Variants in CSNK1G1 observed in about 807,000 individuals in gnomAD.
CSNK1G1 encodes casein kinase I isoform gamma-1.
In CSNK1G1, 22 loss-of-function variants were observed where a neutral mutation model predicts 59.6. That is an observed-to-expected ratio of 0.37 (90% CI 0.26 to 0.53). The LOEUF is 0.53. CSNK1G1 is among the 20% of genes least tolerant of loss of function. The pLI is 0.89. For synonymous variants in CSNK1G1, 179 were observed against 177.1 expected, an observed-to-expected ratio of 1.01 and a Z score of -0.08; for missense variants, 384 against 519.5, an observed-to-expected ratio of 0.74 and a Z score of 2.54.
chr15:64,251,682 T>C, intron 3 of CSNK1G1, 101 bp from the exon 4 acceptor site: 1 of 768,638 alleles, frequency 1.3e-6, no homozygotes, highest in Non-Finnish European at 2.2e-6. Context: ...CCCAATGTTT[T>C]AGAGATAATA....
At position 64,299,989 on chromosome 15, in the gene CSNK1G1, T is replaced by C. The variant is rs558072021; in HGVS notation, c.181+330A>G. ...CAGCATCTGCATCACCTGGAATTTG[T>C]AAAAATATGCAGAATTTGGGGCTCC... is the stretch of plus-strand genomic sequence containing the variant. On this transcript the variant is annotated intron_variant, in intron 2 of 11. Coordinates refer to ENST00000303052, the MANE Select transcript of CSNK1G1 (RefSeq NM_022048.5). 3.3e-4 allele frequency among the ~76,000 whole-genome samples: 50 copies of C among 152,272 alleles called. No individual in the cohort carries two copies. In the South Asian group the frequency reaches 1.0e-2, roughly 30 times the overall value.
rs116543808 is a variant in CSNK1G1, at chr15:64,242,659, T to C, written c.292+8853A>G. 8.4e-3 allele frequency among the ~76,000 whole-genome samples: 1,280 copies of C among 152,286 alleles called. 19 individuals carry two copies. Among genetic ancestry groups the C allele is most frequent in the African/African-American group, 0.029 (1,201 of 41,556 alleles). ...TCACTACTGAATTCAACCAGATTTA[T>C]ATCAATAACTAATATAAATTCTTCT... On this transcript the variant is annotated intron_variant, in intron 4 of 11. Transcript: ENST00000303052.
rs1719517590 is a variant in CSNK1G1 at position 64,214,967 on chromosome 15, T to A, written c.445-843A>T. Among the ~76,000 whole-genome samples, 2 of 151,720 alleles carry A rather than the reference T, an allele frequency of 1.3e-5. No homozygotes were observed. The highest frequency in any genetic ancestry group is 4.2e-4 in the South Asian group (2 of 4,796). ...ACAGTTCATCGTTGTTGTTTTAAAT[T>A]TATTTTCAGATTATTTTTGTAGAGA... On this transcript the variant is annotated intron_variant, in intron 5 of 11. Coordinates refer to ENST00000303052, the MANE Select transcript of CSNK1G1 (RefSeq NM_022048.5). The surrounding 1 kb of genome is among the most constrained non-coding windows in gnomAD (Gnocchi z 4.3).
At chr15:64,232,805 G>C (rs766713371) in intron 4 of CSNK1G1, among the ~76,000 whole-genome samples, 13 of 152,124 alleles carry the variant, frequency 8.5e-5, no homozygotes, top group Non-Finnish European at 1.8e-4. Flanking sequence ...AATACGGATG[G>C]AAGAGAAACA....
intron 2 of CSNK1G1, among the ~76,000 whole-genome samples, chr15:64,288,708 A>G (rs1486895854): frequency 1.3e-5 from 2 of 152,068 alleles, no homozygotes; most frequent in Non-Finnish European, 2.9e-5. Context: ...AGTAAGCTCC[A>G]CTTTCTTTGA....
At position 64,165,730 on chromosome 15, in the gene CSNK1G1, A is replaced by C. The variant is rs1485045850; in HGVS notation, c.*6201T>G. The C allele has an allele frequency of 3.6e-6, 1 of 279,480 alleles. No homozygotes were observed. The highest frequency in any genetic ancestry group is 6.6e-6 in the Non-Finnish European group (1 of 151,198). The allele number at this position is 279,480 out of a possible 1,614,324, so 17.3% of individuals were successfully genotyped here. ...ACCAATCAACCAACCAAACAAGCAG[A>C]AGTAGCCAAGAAAGGTAAGACATTT... On this transcript the variant is annotated 3_prime_UTR_variant, in exon 12 of 12. Transcript: ENST00000303052.
intron 6 of CSNK1G1, among the ~76,000 whole-genome samples, chr15:64,211,621 T>C (rs1401338925): frequency 6.6e-6 from 1 of 152,232 alleles, no homozygotes; most frequent in South Asian, 2.1e-4. Context: ...ATATTACTAT[T>C]ATCAGGCATT....
intron 4 of CSNK1G1, among the ~76,000 whole-genome samples, chr15:64,225,517 A>G (rs1488550698): frequency 2.0e-5 from 3 of 152,036 alleles, no homozygotes; most frequent in Non-Finnish European, 4.4e-5. Flanking sequence ...CTTGATTCTG[A>G]CTGGTCCTGG....
At chr15:64,209,893 A>C (rs1009730594) in intron 6 of CSNK1G1, among the ~76,000 whole-genome samples, 1 of 152,190 alleles carries the variant, frequency 6.6e-6, no homozygotes, top group African/African-American at 2.4e-5. Context: ...AAATGTTTGA[A>C]TTTTAAACAG....
In CSNK1G1 at chr15:64,321,510, T is replaced by C. The variant is rs1037741952; in HGVS notation, c.-224-20787A>G. ...AACTCTTGGATTCAAGCGATCCTCC[T>C]GCTTCAACCTCCCAAAGGGCTGGGA... On this transcript the variant is annotated intron_variant, in intron 1 of 11. Coordinates refer to ENST00000303052, the MANE Select transcript of CSNK1G1 (RefSeq NM_022048.5). Among the ~76,000 whole-genome samples the C allele has an allele frequency of 3.3e-5, 5 of 152,180 alleles. No homozygotes were observed. The East Asian group carries it at 5.8e-4, about 18-fold the overall frequency.
chr15:64,338,269 C>CTG (rs1422769420), intron 1 of CSNK1G1, among the ~76,000 whole-genome samples: 1 of 152,130 alleles, frequency 6.6e-6, no homozygotes, highest in Non-Finnish European at 1.5e-5. Context: ...TTTTTACTTT[C>CTG]TGTGTGTGTA....
rs972415780 is a variant in CSNK1G1 at position 64,204,468 on chromosome 15, A to G, written c.972T>C (p.Tyr324=). The part of the protein sequence containing the change: ...LFEKKGYTFD[Y]AYDWVGRPIP... ...TAGGTCTCCCAACCCAATCATAGGC[A>G]TAGTCAAAGGTGTAGCCTTTCTTTT... The change falls in exon 9 of 12, where the codon TAT becomes TAC. Residue 324 remains tyrosine, a synonymous_variant. Coordinates refer to ENST00000303052, the MANE Select transcript of CSNK1G1 (RefSeq NM_022048.5). 3 of 1,606,252 alleles carry G rather than the reference A, an allele frequency of 1.9e-6. No homozygotes were observed. The African/African-American group carries it at 4.0e-5, about 22-fold the overall frequency.
At chr15:64,321,504 T>A (rs1300435125) in intron 1 of CSNK1G1, among the ~76,000 whole-genome samples, 2 of 152,156 alleles carry the variant, frequency 1.3e-5, no homozygotes, top group Non-Finnish European at 2.9e-5. Flanking sequence ...ATTCAAGCGA[T>A]CCTCCTGCTT....
In CSNK1G1 at chr15:64,170,814, C is replaced by G. The variant is rs1243562882; in HGVS notation, c.*1117G>C. The G allele has an allele frequency of 6.6e-6, 1 of 152,574 alleles. No homozygotes were observed. The highest frequency in any genetic ancestry group is 1.5e-5 in the Non-Finnish European group (1 of 68,034). The allele number at this position is 152,574 out of a possible 1,614,324, so 9.5% of individuals were successfully genotyped here. A position where few individuals can be genotyped will look rare whatever the true frequency, so the allele number is the denominator to read the frequency against. ...CTCCTTCTCTGGGATGAGCTGTTTC[C>G]TGGTCACAGTCTGGCTCGGCTGGCT... On this transcript the variant is annotated 3_prime_UTR_variant, in exon 12 of 12. Coordinates refer to ENST00000303052, the MANE Select transcript of CSNK1G1 (RefSeq NM_022048.5).
intron 11 of CSNK1G1, among the ~76,000 whole-genome samples, chr15:64,177,100 C>A (rs540319267): frequency 1.3e-5 from 2 of 152,298 alleles, no homozygotes; most frequent in South Asian, 4.1e-4. Context: ...TTCACATGTT[C>A]GTTTTGTACA....
At chr15:64,204,786 C>G in intron 8 of CSNK1G1, 79 bp downstream of exon 8, 1 of 1,133,980 alleles carries the variant, frequency 8.8e-7, no homozygotes, top group Non-Finnish European at 1.3e-6. Context: ...AAACAGCACC[C>G]CTATCTAGAG....
intron 4 of CSNK1G1, among the ~76,000 whole-genome samples, chr15:64,248,570 G>A (rs1396357484): frequency 6.6e-6 from 1 of 152,148 alleles, no homozygotes; most frequent in Non-Finnish European, 1.5e-5. Context: ...AGTGGGGAGA[G>A]TGGGACCAAT....
chr15:64,276,652 TAA>T lies in CSNK1G1; in HGVS notation c.182-17413_182-17412del, dbSNP rs530807098. On this transcript the variant is annotated intron_variant, in intron 2 of 11. Transcript: ENST00000303052. Reference sequence around the variant, plus strand: ...AAAGGTACAACAGTCCTTTGAAAAATAAAAGAGTTGAGGCTGGGCACGGTGGC... The same window carrying T: ...AAAGGTACAACAGTCCTTTGAAAAATAAGAGTTGAGGCTGGGCACGGTGGC... Among the ~76,000 whole-genome samples, 17 of 151,864 alleles carry T rather than the reference TAA, an allele frequency of 1.1e-4. 1 individual carries two copies. The South Asian group carries it at 2.9e-3, about 26-fold the overall frequency.
In CSNK1G1 at chr15:64,169,628, C is replaced by T. The variant is rs2081642582; in HGVS notation, c.*2303G>A. On this transcript the variant is annotated 3_prime_UTR_variant, in exon 12 of 12. Transcript: ENST00000303052. ...CAGTAAGTTAGCAATGCCCAAATCC[C>T]AACTGAGAAACGATGTAAATTTTAG... 1 of 152,158 alleles carries T rather than the reference C, an allele frequency of 6.6e-6. No individual in the cohort carries two copies. Among genetic ancestry groups the T allele is most frequent in the South Asian group, 2.1e-4 (1 of 4,830 alleles). 9.4% of individuals were successfully genotyped at this position (152,158 alleles called of 1,614,324 possible).
Sources: allele counts gnomAD v4.1 joint callset (sites outside exome capture counted in the v4.1 genomes callset), GRCh38; gene constraint gnomAD v4.1.1; non-coding constraint Gnocchi (gnomAD v3.1); transcripts MANE v1.5; gene names NCBI Gene and HGNC (gene_info 2026-07-23, HGNC 2026-07-21).